The following GSE1 variants were observed in gnomAD, a reference collection of about 807,000 sequenced individuals.
GSE1 encodes genetic suppressor element 1.
A neutral mutation model predicts 112.6 loss-of-function variants in GSE1; 32 were observed. The observed-to-expected ratio is 0.28, with a 90% confidence interval of 0.21 to 0.38. The LOEUF (loss-of-function observed/expected upper bound fraction) is 0.38. Ranked by LOEUF, GSE1 falls within the 10% of genes least tolerant of loss-of-function variation. The pLI, the probability that GSE1 is intolerant of heterozygous loss-of-function variation, is 1.00. For synonymous variants in GSE1, 1,115 were observed against 735.6 expected, an observed-to-expected ratio of 1.52 and a Z score of -8.35; for missense variants, 2,348 against 1,699.2, an observed-to-expected ratio of 1.38 and a Z score of -6.71.
In GSE1 at chr16:85,470,443, C is replaced by G. The variant is rs115136194; in HGVS notation, c.2464+112800C>G. Reference sequence around the variant, plus strand: ...AGAGCTGGGATCCGTGTCTCTTTCCCGAGTGACATGGCCCCTTGGGGTCCC... The same window carrying G: ...AGAGCTGGGATCCGTGTCTCTTTCCGGAGTGACATGGCCCCTTGGGGTCCC... On this transcript the variant is annotated intron_variant, in intron 2 of 2. Coordinates refer to the GSE1 transcript ENST00000637419. 3.3e-3 allele frequency among the ~76,000 whole-genome samples: 502 copies of G among 152,274 alleles called. 2 individuals are homozygous for G. Among genetic ancestry groups the G allele is most frequent in the African/African-American group, 0.012 (479 of 41,520 alleles).
rs541160485 is a variant in GSE1 at position 85,628,271 on chromosome 16, C to T, written c.8-5643C>T. Among the ~76,000 whole-genome samples, 6 of 152,376 alleles carry T rather than the reference C, an allele frequency of 3.9e-5. No homozygotes were observed. In the South Asian group the frequency reaches 8.3e-4, roughly 21 times the overall value. ...TGGAATTCTATTTTAAGTGACCTGA[C>T]ATCAGCAGAGCCGCTTCCCAGGCTC... is the stretch of plus-strand genomic sequence containing the variant. On this transcript the variant is annotated intron_variant, in intron 1 of 15. Transcript: ENST00000253458.
intron 2 of GSE1, among the ~76,000 whole-genome samples, chr16:85,426,953 CCTGA>C (rs1156242945): frequency 3.3e-5 from 5 of 152,124 alleles, no homozygotes; most frequent in Admixed American, 2.0e-4. Context: ...TGGTTTGAAT[CCTGA>C]CTGTGCCCCT....
intron 1 of GSE1, among the ~76,000 whole-genome samples, chr16:85,176,696 G>T (rs2074473224): frequency 6.6e-6 from 1 of 152,262 alleles, no homozygotes; most frequent in South Asian, 2.1e-4. Flanking sequence ...CTCACTGTGG[G>T]GATGCCCCGG....
At chr16:85,557,946 T>A (rs116913761) in intron 1 of GSE1, among the ~76,000 whole-genome samples, 3,982 of 152,276 alleles carry the variant, frequency 0.026, 93 homozygotes, top group Middle Eastern at 0.044. Context: ...TTCCAGCGTT[T>A]CCATTCCATT....
chr16:85,271,750 A>AC (rs1468843046), intron 1 of GSE1, among the ~76,000 whole-genome samples: 2 of 152,152 alleles, frequency 1.3e-5, no homozygotes, highest in Non-Finnish European at 2.9e-5. Flanking sequence ...GGAGCCTGTG[A>AC]CAGAGGGGAA....
At position 85,275,644 on chromosome 16, in the gene GSE1, C is replaced by T. The variant is rs554717129; in HGVS notation, c.2284-81819C>T. ...GGGGTCAAAGTTGATTTCCAGAGGT[C>T]GGTCCTAGACGTGGGGAGGCAGTCA... On this transcript the variant is annotated intron_variant, in intron 1 of 2. Coordinates refer to the GSE1 transcript ENST00000637419. 4.6e-5 allele frequency among the ~76,000 whole-genome samples: 7 copies of T among 152,298 alleles called. No homozygotes were observed. In the South Asian group the frequency reaches 6.2e-4, roughly 14 times the overall value.
chr16:85,432,210 G>A (rs1366095753), intron 2 of GSE1, among the ~76,000 whole-genome samples: 1 of 152,272 alleles, frequency 6.6e-6, no homozygotes, highest in African/African-American at 2.4e-5. Flanking sequence ...CGTGCTTCCA[G>A]AACATTCTGC....
chr16:85,591,233 C>T (rs1482690921), intron 1 of GSE1, among the ~76,000 whole-genome samples: 1 of 152,184 alleles, frequency 6.6e-6, no homozygotes, highest in African/African-American at 2.4e-5. Flanking sequence ...GTAGGGGCCT[C>T]TGTCGGGCCC....
intron 12 of GSE1, among the ~76,000 whole-genome samples, chr16:85,665,715 C>T (rs112988731): frequency 9.1e-4 from 138 of 152,340 alleles, no homozygotes; most frequent in Non-Finnish European, 1.5e-3. Flanking sequence ...ATGCTGCCTC[C>T]GTGGCTGGGG....
intron 2 of GSE1, among the ~76,000 whole-genome samples, chr16:85,426,806 T>G (rs1291675133): frequency 6.6e-6 from 1 of 151,912 alleles, no homozygotes; most frequent in Non-Finnish European, 1.5e-5. Context: ...TCACTGGGAG[T>G]GTGCTAAATT....
At chr16:85,223,743 T>C (rs2075433643) in intron 1 of GSE1, among the ~76,000 whole-genome samples, 1 of 151,930 alleles carries the variant, frequency 6.6e-6, no homozygotes. Flanking sequence ...TAGCTGGGAT[T>C]ACAGGCTTGC....
Position 85,661,104 on chromosome 16 carries a change from G to A in GSE1, c.1641-42G>A, listed in dbSNP as rs761673809. ...CCAGGGAAGCCTGTGGATGACTGAA[G>A]GGTCTTTTCTCCCTGACTGAAGGGT... On this transcript the variant is annotated intron_variant, in intron 8 of 15. Transcript: ENST00000253458. 5 of 1,522,072 alleles carry A rather than the reference G, an allele frequency of 3.3e-6. No homozygotes were observed. In the South Asian group the frequency reaches 6.3e-5, roughly 19 times the overall value. 94.3% of individuals were successfully genotyped at this position (1,522,072 alleles called of 1,614,324 possible).
intron 1 of GSE1, among the ~76,000 whole-genome samples, chr16:85,586,338 C>A (rs867177101): frequency 6.6e-6 from 1 of 152,236 alleles, no homozygotes; most frequent in Non-Finnish European, 1.5e-5. Flanking sequence ...TTGCCTCGGA[C>A]GGCGGAGCCC....
chr16:85,611,928 G>A (rs2151541124), upstream of GSE1, among the ~76,000 whole-genome samples: 1 of 152,130 alleles, frequency 6.6e-6, no homozygotes, highest in South Asian at 2.1e-4. Context: ...TGCCAAGCCT[G>A]GCGCGGGCAT....
chr16:85,495,171 G>A (rs559605913), intron 2 of GSE1, among the ~76,000 whole-genome samples: 1 of 152,318 alleles, frequency 6.6e-6, no homozygotes, highest in African/African-American at 2.4e-5. Flanking sequence ...AGCTCAGGAT[G>A]GCTGGGCCTG....
chr16:85,371,406 C>T (rs757638193), intron 2 of GSE1, among the ~76,000 whole-genome samples: 8 of 152,174 alleles, frequency 5.3e-5, no homozygotes, highest in East Asian at 3.9e-4. Flanking sequence ...AGCTGTGACT[C>T]GGTGAGGGTG....
chr16:85,217,378 C>T (rs1305357328), intron 1 of GSE1, among the ~76,000 whole-genome samples: 1 of 152,198 alleles, frequency 6.6e-6, no homozygotes, highest in Non-Finnish European at 1.5e-5. Flanking sequence ...CCAGAAGAAG[C>T]CGCCACGCCT....
chr16:85,528,449 C>G (rs2052432035), intron 2 of GSE1, among the ~76,000 whole-genome samples: 1 of 151,502 alleles, frequency 6.6e-6, no homozygotes, highest in South Asian at 2.1e-4. Context: ...GTAGCCGGGA[C>G]TACAGGTGTG....
At chr16:85,537,405 G>A (rs1200621170) in intron 2 of GSE1, among the ~76,000 whole-genome samples, 3 of 152,218 alleles carry the variant, frequency 2.0e-5, no homozygotes, top group African/African-American at 7.2e-5. Flanking sequence ...GACCTGAGAC[G>A]AGCTTTAAAA....
Sources: allele counts gnomAD v4.1 joint callset (sites outside exome capture counted in the v4.1 genomes callset), GRCh38; gene constraint gnomAD v4.1.1; transcripts MANE v1.5; gene names NCBI Gene and HGNC (gene_info 2026-07-23, HGNC 2026-07-21).